FBXO3: variants seen among roughly 807,000 people sequenced by gnomAD.
FBXO3 encodes the protein F-box protein 3, also known as F-box only protein 3.
A neutral mutation model predicts 64.8 loss-of-function variants in FBXO3; 17 were observed. That is an observed-to-expected ratio of 0.26 (90% CI 0.18 to 0.39). The LOEUF is 0.39. Among genes scored for constraint, FBXO3 ranks in the 10% least tolerant of loss-of-function variants. The probability of loss-of-function intolerance (pLI) is 1.00; values close to 1 mark genes in which losing one functional copy is unlikely to be tolerated. For synonymous variants in FBXO3, 182 were observed against 201.6 expected, an observed-to-expected ratio of 0.90 and a Z score of 0.82; for missense variants, 420 against 589.9, an observed-to-expected ratio of 0.71 and a Z score of 2.98.
intron 10 of FBXO3, chr11:33,745,607 G>A (rs922678349): frequency 2.6e-5 from 4 of 152,014 alleles, no homozygotes; most frequent in Non-Finnish European, 1.5e-5. Context: ...AATTACAAGG[G>A]AAATCTGACA....
At chr11:33,763,636 A>G (rs1855295207) in intron 3 of FBXO3, among the ~76,000 whole-genome samples, 1 of 151,254 alleles carries the variant, frequency 6.6e-6, no homozygotes, top group Non-Finnish European at 1.5e-5. Flanking sequence ...CAAAAAAAAA[A>G]AAAAAAAAAA....
At chr11:33,769,829 T>C (rs925587272) in intron 2 of FBXO3, among the ~76,000 whole-genome samples, 11 of 137,698 alleles carry the variant, frequency 8.0e-5, no homozygotes, top group African/African-American at 2.7e-4. Flanking sequence ...GGTTTAGGAA[T>C]GGGGAAAAGA....
At chr11:33,755,308 C>T (rs1013829229) in intron 5 of FBXO3, among the ~76,000 whole-genome samples, 1 of 151,916 alleles carries the variant, frequency 6.6e-6, no homozygotes, top group African/African-American at 2.4e-5. Context: ...TAAATGAAAC[C>T]AATACCATAT....
At chr11:33,746,637 C>A (rs1854818721) in intron 10 of FBXO3, 1 of 806,624 alleles carries the variant, frequency 1.2e-6, no homozygotes, top group Non-Finnish European at 2.1e-6. Context: ...GTTACTGTTA[C>A]ACTTGTCATA....
intron 6 of FBXO3, chr11:33,753,243 C>G (rs1371155225): frequency 6.6e-6 from 1 of 152,218 alleles, no homozygotes; most frequent in Non-Finnish European, 1.5e-5. Context: ...CAGTGTCTCT[C>G]AATCTTTTGC....
At position 33,748,462 on chromosome 11, in the gene FBXO3, T is replaced by C. The variant is rs1854871685; in HGVS notation, c.1048+315A>G. Among the ~76,000 whole-genome samples, 4 of 152,140 alleles carry C rather than the reference T, an allele frequency of 2.6e-5. No homozygotes were observed. The South Asian group carries it at 8.3e-4, about 32-fold the overall frequency. ...CTACAAACAATAAAAATTCATGCCA[T>C]TAATTTTAACATTTCCCCCCAAGCT... On this transcript the variant is annotated intron_variant, in intron 9 of 10. Transcript: ENST00000265651.
chr11:33,764,408 T>C (rs1855316939), intron 3 of FBXO3, among the ~76,000 whole-genome samples: 1 of 152,234 alleles, frequency 6.6e-6, no homozygotes, highest in Non-Finnish European at 1.5e-5. Flanking sequence ...GGTGTTACAA[T>C]GGACATGTTT....
intron 6 of FBXO3, among the ~76,000 whole-genome samples, chr11:33,752,464 ACTGAATGTCAGATG>A (rs1211225634): frequency 2.6e-5 from 4 of 152,278 alleles, no homozygotes; most frequent in South Asian, 4.1e-4. Flanking sequence ...ACTCTGTCAC[ACTGAATGTCAGATG>A]CTAAATTTAT....
At chr11:33,766,249 T>C (rs1855369097) in intron 3 of FBXO3, among the ~76,000 whole-genome samples, 1 of 152,238 alleles carries the variant, frequency 6.6e-6, no homozygotes, top group South Asian at 2.1e-4. Context: ...GAGTTGTATC[T>C]TGGTCACTAG....
At chr11:33,757,447 C>CTAATAA (rs909275862) in intron 4 of FBXO3, among the ~76,000 whole-genome samples, 4 of 136,704 alleles carry the variant, frequency 2.9e-5, no homozygotes, top group African/African-American at 1.1e-4. Flanking sequence ...GACCCCATCT[C>CTAATAA]TAATAATAAT....
At chr11:33,749,479 GCTC>G (rs1854899685) in intron 8 of FBXO3, among the ~76,000 whole-genome samples, 1 of 151,506 alleles carries the variant, frequency 6.6e-6, no homozygotes, top group Non-Finnish European at 1.5e-5. Context: ...TTCCGCCTCA[GCTC>G]CTCTAGTAGC....
At chr11:33,770,997 AG>A in intron 1 of FBXO3, 167 bp from the exon 2 acceptor site, 1 of 522,388 alleles carries the variant, frequency 1.9e-6, no homozygotes, top group Non-Finnish European at 3.4e-6. Context: ...TAACATGTTA[AG>A]TAGTATAATT....
chr11:33,748,686 C>T (rs1268003917), intron 9 of FBXO3, 91 bp downstream of exon 9: 2 of 713,706 alleles, frequency 2.8e-6, no homozygotes, highest in East Asian at 5.2e-5. Context: ...AGGATAACGA[C>T]CTTTATACAT....
Position 33,748,501 on chromosome 11 carries a change from C to T in FBXO3, c.1048+276G>A, listed in dbSNP as rs532529625. Among the ~76,000 whole-genome samples, 5 of 151,918 alleles carry T rather than the reference C, an allele frequency of 3.3e-5. No individual in the cohort carries two copies. The South Asian group carries it at 6.2e-4, about 19-fold the overall frequency. On this transcript the variant is annotated intron_variant, in intron 9 of 10. Transcript: ENST00000265651. ...TCCCCCCAAGCTTCAAAAAACATGA[C>T]GAATACAAAATTTATTTCCCCCTTT...
chr11:33,757,777 C>T (rs1438158554), intron 4 of FBXO3, among the ~76,000 whole-genome samples: 2 of 147,162 alleles, frequency 1.4e-5, no homozygotes, highest in African/African-American at 2.5e-5. Flanking sequence ...GGCAACATGA[C>T]AAGACCCCAT....
At chr11:33,754,648 A>G (rs1314516468) in intron 5 of FBXO3, 148 bp from the exon 6 acceptor site, 1 of 609,802 alleles carries the variant, frequency 1.6e-6, no homozygotes, top group Non-Finnish European at 2.7e-6. Context: ...CCTAGAAGAA[A>G]GGGTTCTGAA....
chr11:33,754,211 T>C (rs557015943), intron 6 of FBXO3: 27 of 383,292 alleles, frequency 7.0e-5, no homozygotes, highest in Admixed American at 3.1e-4. Flanking sequence ...CATTGCCTTA[T>C]AGAAGAGTCC....
At chr11:33,763,626 CAAAA>C (rs33923647) in intron 3 of FBXO3, among the ~76,000 whole-genome samples, 6,871 of 103,026 alleles carry the variant, frequency 0.067, 233 homozygotes, top group Non-Finnish European at 0.092. Context: ...AGAATATCTA[CAAAA>C]AAAAAAAAAA....
rs1039145336 is a variant in FBXO3 at position 33,741,698 on chromosome 11, A to G, written c.*210T>C. The G allele has an allele frequency of 2.5e-6, 1 of 393,986 alleles. No homozygotes were observed. Among genetic ancestry groups the G allele is most frequent in the Non-Finnish European group, 4.4e-6 (1 of 226,018 alleles). The allele number at this position is 393,986 out of a possible 1,614,324, so 24.4% of individuals were successfully genotyped here. A position where few individuals can be genotyped will look rare whatever the true frequency, so the allele number is the denominator to read the frequency against. ...CACTGACTCCTGGAAGAGAAAAAAA[A>G]GATTCCCATTTCTTCCTCTACCTCA... On this transcript the variant is annotated 3_prime_UTR_variant, in exon 11 of 11. Transcript: ENST00000265651.
Sources: allele counts gnomAD v4.1 joint callset (sites outside exome capture counted in the v4.1 genomes callset), GRCh38; gene constraint gnomAD v4.1.1; transcripts MANE v1.5; gene names NCBI Gene and HGNC (gene_info 2026-07-23, HGNC 2026-07-21).